The following NCAM2 variants were observed in gnomAD, a reference collection of about 807,000 sequenced individuals.
NCAM2 encodes N-CAM-2.
In NCAM2, 30 loss-of-function variants were observed where a neutral mutation model predicts 98.1. That is an observed-to-expected ratio of 0.31 (90% CI 0.23 to 0.41). The LOEUF (loss-of-function observed/expected upper bound fraction) is 0.41, where lower values mean the gene tolerates loss of function less well. NCAM2 is among the 10% of genes least tolerant of loss of function. The pLI is 1.00. For missense variants in NCAM2, 867 were observed against 1,005.8 expected (o/e 0.86, Z 1.87); for synonymous variants, 368 against 342.4 (o/e 1.07, Z -0.83).
chr21:21,089,593 G>A (rs944635143), intron 1 of NCAM2, among the ~76,000 whole-genome samples: 1 of 152,076 alleles, frequency 6.6e-6, no homozygotes, highest in African/African-American at 2.4e-5. Flanking sequence ...TCTGGGATTT[G>A]AGCCTGTGTG....
At chr21:21,196,562 T>A (rs1340333227) in intron 1 of NCAM2, among the ~76,000 whole-genome samples, 1 of 152,192 alleles carries the variant, frequency 6.6e-6, no homozygotes, top group Non-Finnish European at 1.5e-5. Context: ...TCCACAAATG[T>A]ATAGTCTAGG....
At chr21:21,269,886 T>C (rs1482468345) in intron 1 of NCAM2, among the ~76,000 whole-genome samples, 1 of 152,156 alleles carries the variant, frequency 6.6e-6, no homozygotes, top group Non-Finnish European at 1.5e-5. Context: ...TATCATATAA[T>C]TCATGAAAGA....
rs780643681 is a variant in NCAM2 at position 21,335,539 on chromosome 21, A to G, written c.772A>G (p.Ile258Val). The G allele has an allele frequency of 1.8e-5, 29 of 1,606,288 alleles. No individual in the cohort carries two copies. Among genetic ancestry groups the G allele is most frequent in the Non-Finnish European group, 1.9e-5 (22 of 1,176,438 alleles). ...GKLIEENEKY[I>V]LKGSNTELTV... is the part of the protein sequence containing the mutation. ...GCTCATTGAAGAAAATGAGAAGTAC[A>G]TATTGAAAGGGAGCAATACAGAACT... is the stretch of plus-strand genomic sequence containing the variant. Residue 258 changes from isoleucine to valine, a missense_variant, in exon 7 of 18, where the codon ATA becomes GTA. Physicochemically the swap from Ile to Val is conservative, Grantham distance 29. This residue lies in a region of NCAM2 where 447 missense variants were observed against 495.7 expected (regional missense o/e 0.90). Transcript: ENST00000400546.
intron 7 of NCAM2, among the ~76,000 whole-genome samples, chr21:21,337,393 G>A (rs1266116537): frequency 6.6e-6 from 1 of 152,022 alleles, no homozygotes; most frequent in African/African-American, 2.4e-5. Context: ...TATGCATATT[G>A]TGGGAATATA....
chr21:21,350,181 A>G (rs544234394), intron 8 of NCAM2, among the ~76,000 whole-genome samples: 2 of 152,272 alleles, frequency 1.3e-5, no homozygotes, highest in Non-Finnish European at 2.9e-5. Context: ...TACCCCACAA[A>G]TACATACACC....
chr21:21,229,602 G>A (rs1295743438), intron 1 of NCAM2, among the ~76,000 whole-genome samples: 1 of 151,478 alleles, frequency 6.6e-6, no homozygotes, highest in Non-Finnish European at 1.5e-5. Flanking sequence ...TAGCCGGGAA[G>A]TGGTACATAT....
intron 15 of NCAM2, among the ~76,000 whole-genome samples, chr21:21,501,341 T>G (rs1987616196): frequency 6.6e-6 from 1 of 151,936 alleles, no homozygotes; most frequent in Admixed American, 6.6e-5. Flanking sequence ...ACGCAAAATT[T>G]TGCCATAATG....
At position 21,532,248 on chromosome 21, in the gene NCAM2, C is replaced by A. The variant is rs543132538; in HGVS notation, c.2283-2289C>A. On this transcript the variant is annotated intron_variant, in intron 16 of 17. Coordinates refer to ENST00000400546, the MANE Select transcript of NCAM2 (RefSeq NM_004540.5). ...AAAATAAAAGACAACTCTAAATATT[C>A]TTTTATAGATTATAGCTAAAACTCA... Among the ~76,000 whole-genome samples, 24 of 151,948 alleles carry A rather than the reference C, an allele frequency of 1.6e-4. No homozygotes were observed. In the South Asian group the frequency reaches 4.1e-3, roughly 26 times the overall value.
intron 5 of NCAM2, among the ~76,000 whole-genome samples, chr21:21,311,620 C>T (rs1202936364): frequency 6.6e-6 from 1 of 152,114 alleles, no homozygotes; most frequent in Non-Finnish European, 1.5e-5. Flanking sequence ...GGATTACAGG[C>T]GTGATCCACT....
intron 11 of NCAM2, among the ~76,000 whole-genome samples, chr21:21,422,166 A>G (rs763460752): frequency 6.6e-6 from 1 of 152,176 alleles, no homozygotes; most frequent in Non-Finnish European, 1.5e-5. Context: ...CAGCAACCCA[A>G]ACAGGCTTGT....
At chr21:21,496,530 T>TAACAACG (rs1987249098) in intron 15 of NCAM2, among the ~76,000 whole-genome samples, 2 of 152,052 alleles carry the variant, frequency 1.3e-5, no homozygotes, top group African/African-American at 2.4e-5. Context: ...TAGGATGCGT[T>TAACAACG]GTTCGTGAAT....
intron 12 of NCAM2, among the ~76,000 whole-genome samples, 182 bp downstream of exon 12, chr21:21,432,463 C>T (rs562406567): frequency 1.3e-5 from 2 of 151,616 alleles, no homozygotes; most frequent in South Asian, 4.2e-4. Flanking sequence ...TAGTTTCCAT[C>T]TTCAGTAAAA....
At chr21:21,266,735 G>C (rs554297694) in intron 1 of NCAM2, among the ~76,000 whole-genome samples, 18 of 152,050 alleles carry the variant, frequency 1.2e-4, no homozygotes, top group African/African-American at 1.7e-4. Context: ...GTGGGTGGAG[G>C]GGGGAGGGAT....
chr21:21,338,500 C>T lies in NCAM2; in HGVS notation c.1010C>T (p.Ala337Val). ...EPIPEITWKR[A>V]VDGFTFTEGD... is the part of the protein sequence containing the mutation. ...ATTCCAGAAATCACTTGGAAAAGAG[C>T]TGTGGATGGCTTCACGTTCACTGAA... is the stretch of plus-strand genomic sequence containing the variant. Residue 337 changes from alanine to valine, a missense_variant, in exon 8 of 18, where the codon GCT becomes GTT. Coordinates refer to ENST00000400546, the MANE Select transcript of NCAM2 (RefSeq NM_004540.5). 6.2e-7 allele frequency: 1 copy of T among 1,612,220 alleles called. No individual in the cohort carries two copies. The highest frequency in any genetic ancestry group is 8.5e-7 in the Non-Finnish European group (1 of 1,179,124).
intron 9 of NCAM2, among the ~76,000 whole-genome samples, chr21:21,380,135 C>T (rs2076120769): frequency 2.0e-5 from 3 of 152,276 alleles, no homozygotes; most frequent in African/African-American, 7.2e-5. Context: ...CCTTTGGCAA[C>T]ACCCTGGCAG....
At chr21:21,383,460 T>A (rs913418635) in intron 9 of NCAM2, among the ~76,000 whole-genome samples, 1 of 152,186 alleles carries the variant, frequency 6.6e-6, no homozygotes, top group Admixed American at 6.5e-5. Context: ...ACGATCACTT[T>A]GAACCTCTTC....
chr21:21,201,764 C>T (rs962489769), intron 1 of NCAM2, among the ~76,000 whole-genome samples: 7 of 152,280 alleles, frequency 4.6e-5, no homozygotes, highest in Admixed American at 3.9e-4. Flanking sequence ...GATGCAGTCA[C>T]TCCAGATTTT....
intron 1 of NCAM2, among the ~76,000 whole-genome samples, chr21:21,047,877 T>C (rs964826416): frequency 6.6e-6 from 1 of 152,186 alleles, no homozygotes; most frequent in Non-Finnish European, 1.5e-5. Context: ...TCATAAATTC[T>C]CATCACATGG....
At chr21:21,522,653 CAG>C (rs1443694734) in intron 16 of NCAM2, among the ~76,000 whole-genome samples, 4 of 57,668 alleles carry the variant, frequency 6.9e-5, no homozygotes, top group African/African-American at 1.1e-4. Context: ...TTTTTTGAGA[CAG>C]AGTTTTACTC....
Sources: gnomAD v4.1 joint callset for allele counts (sites outside exome capture counted in the v4.1 genomes callset) on GRCh38, gnomAD v4.1.1 for gene constraint, gnomAD v4.1.1 regional missense constraint, MANE v1.5 for transcripts, NCBI Gene and HGNC (gene_info 2026-07-23, HGNC 2026-07-21) for gene names.